LITAF: variants seen among roughly 807,000 people sequenced by gnomAD.
The protein encoded by LITAF is lipopolysaccharide-induced tumor necrosis factor-alpha factor.
Under a neutral mutation model 14.5 loss-of-function variants are expected in LITAF, and 9 were observed. The observed-to-expected ratio is 0.62, with a 90% CI of 0.37 to 1.08. The LOEUF (loss-of-function observed/expected upper bound fraction) is 1.08. Ranked by LOEUF, LITAF falls within the 50% of genes least tolerant of loss-of-function variation. The pLI is 0.01. For missense variants in LITAF, 206 were observed against 213.4 expected (o/e 0.97, Z 0.22); for synonymous variants, 98 against 88.2 (o/e 1.11, Z -0.62).
chr16:11,621,040 C>T (rs1346938025), intron 3 of LITAF, among the ~76,000 whole-genome samples: 1 of 151,722 alleles, frequency 6.6e-6, no homozygotes, highest in African/African-American at 2.4e-5. Context: ...GGACTACAGG[C>T]GCACTCCACC....
intron 1 of LITAF, among the ~76,000 whole-genome samples, chr16:11,566,947 A>T (rs1473688225): frequency 2.0e-5 from 3 of 152,240 alleles, no homozygotes; most frequent in Non-Finnish European, 4.4e-5. Flanking sequence ...GTTCAGCTCA[A>T]GGTAACACGA....
upstream of LITAF, among the ~76,000 whole-genome samples, chr16:11,589,204 A>G (rs2064834320): frequency 6.6e-6 from 1 of 152,222 alleles, no homozygotes; most frequent in South Asian, 2.1e-4. Context: ...TGATCATCTC[A>G]ATAGACGGAA....
At chr16:11,575,443 G>C (rs2064616941) in intron 1 of LITAF, 1 of 152,248 alleles carries the variant, frequency 6.6e-6, no homozygotes, top group Non-Finnish European at 1.5e-5. Flanking sequence ...GCGGGGCCAG[G>C]AAAGTGAGGT....
chr16:11,606,766 C>T (rs1423948027), intron 3 of LITAF, among the ~76,000 whole-genome samples: 1 of 152,050 alleles, frequency 6.6e-6, no homozygotes, highest in Admixed American at 6.6e-5. Context: ...TCCCGAGTAG[C>T]TGGGACTACA....
Position 11,558,853 on chromosome 16 carries a change from T to A in LITAF, c.-5-2118A>T, listed in dbSNP as rs1487114132. 1.3e-5 allele frequency among the ~76,000 whole-genome samples: 2 copies of A among 152,194 alleles called. No homozygotes were observed. The highest frequency in any genetic ancestry group is 2.9e-5 in the Non-Finnish European group (2 of 68,040). On this transcript the variant is annotated intron_variant, in intron 1 of 3. Coordinates refer to ENST00000622633, the MANE Select transcript of LITAF (RefSeq NM_001136472.2). The surrounding 1 kb of genome is among the most constrained non-coding windows in gnomAD (Gnocchi z 4.1). ...AACACGTGTTCAAGACTTCTTTCTA[T>A]CAGAGTGCTGTCCAACAGAATCTTC... is the stretch of plus-strand genomic sequence containing the variant.
upstream of LITAF, chr16:11,587,328 G>A (rs768732298): frequency 2.2e-6 from 1 of 449,734 alleles, no homozygotes. Context: ...CAGGCGGCGG[G>A]ACCACCAACC....
At chr16:11,616,744 C>G (rs185239104) in intron 3 of LITAF, among the ~76,000 whole-genome samples, 2 of 151,884 alleles carry the variant, frequency 1.3e-5, no homozygotes, top group East Asian at 3.9e-4. Flanking sequence ...GACCCCATCT[C>G]TACAAAAATT....
At chr16:11,639,103 G>C (rs2065154258), upstream of LITAF, among the ~76,000 whole-genome samples, 1 of 151,428 alleles carries the variant, frequency 6.6e-6, no homozygotes, top group African/African-American at 2.4e-5. Flanking sequence ...AATGGGTAGA[G>C]GTTAGAGGGA....
chr16:11,602,876 C>A (rs896370070), upstream of LITAF, among the ~76,000 whole-genome samples: 2 of 151,912 alleles, frequency 1.3e-5, no homozygotes, highest in Non-Finnish European at 2.9e-5. Flanking sequence ...TTTGAGAGGC[C>A]GAGGTGGGAG....
chr16:11,630,016 T>G (rs1323258205), intron 3 of LITAF, among the ~76,000 whole-genome samples: 2 of 152,172 alleles, frequency 1.3e-5, no homozygotes, highest in Non-Finnish European at 2.9e-5. Context: ...CTTCCTGGAC[T>G]CATTCCAGCA....
At chr16:11,619,119 T>C (rs764585170) in intron 3 of LITAF, among the ~76,000 whole-genome samples, 2 of 152,022 alleles carry the variant, frequency 1.3e-5, no homozygotes, top group Non-Finnish European at 2.9e-5. Context: ...GAGACCAGCC[T>C]GGCCAACATG....
chr16:11,557,045 C>G (rs539421485), intron 1 of LITAF, among the ~76,000 whole-genome samples: 1 of 150,204 alleles, frequency 6.7e-6, no homozygotes, highest in East Asian at 2.0e-4. Context: ...CCTTCCATAT[C>G]TGGTGTTTCT....
upstream of LITAF, among the ~76,000 whole-genome samples, chr16:11,599,021 T>C (rs553399503): frequency 6.6e-6 from 1 of 151,950 alleles, no homozygotes; most frequent in South Asian, 2.1e-4. Context: ...GTTTTCACCA[T>C]GTTGGCCAGG....
chr16:11,559,449 T>G (rs574272261), intron 1 of LITAF, among the ~76,000 whole-genome samples: 1 of 152,280 alleles, frequency 6.6e-6, no homozygotes, highest in South Asian at 2.1e-4. Flanking sequence ...TATGAATCAT[T>G]TTTTCAATGG....
At chr16:11,597,925 G>C (rs1245932588) in intron 1 of LITAF, among the ~76,000 whole-genome samples, 1 of 152,102 alleles carries the variant, frequency 6.6e-6, no homozygotes, top group Non-Finnish European at 1.5e-5. Context: ...TTTCTTTGTA[G>C]AGACAGGGTC....
upstream of LITAF, among the ~76,000 whole-genome samples, chr16:11,599,471 T>C (rs1033918350): frequency 6.6e-6 from 1 of 152,092 alleles, no homozygotes; most frequent in Non-Finnish European, 1.5e-5. Flanking sequence ...AACAAAACCC[T>C]GCAAGGCCCA....
upstream of LITAF, among the ~76,000 whole-genome samples, chr16:11,638,042 CTATATA>C (rs559457634): frequency 2.3e-5 from 2 of 85,206 alleles, no homozygotes; most frequent in African/African-American, 8.0e-5. Context: ...CTATATATAT[CTATATA>C]TATATCTATA....
At chr16:11,608,711 C>G (rs2064967044) in intron 3 of LITAF, among the ~76,000 whole-genome samples, 1 of 152,164 alleles carries the variant, frequency 6.6e-6, no homozygotes, top group African/African-American at 2.4e-5. Context: ...GCCTATAATC[C>G]CAGCACTTTG....
upstream of LITAF, among the ~76,000 whole-genome samples, chr16:11,637,998 ATATATC>A (rs1567270966): frequency 1.1e-4 from 12 of 104,468 alleles, 1 homozygote; most frequent in South Asian, 2.7e-4. Context: ...ATATATCTAT[ATATATC>A]TATATATATC....
Sources: gnomAD v4.1 joint callset for allele counts (sites outside exome capture counted in the v4.1 genomes callset) on GRCh38, gnomAD v4.1.1 for gene constraint, Gnocchi (gnomAD v3.1) non-coding constraint, MANE v1.5 for transcripts, NCBI Gene and HGNC (gene_info 2026-07-23, HGNC 2026-07-21) for gene names.